Variants in R3HCC1L observed in about 807,000 individuals in gnomAD.
R3HCC1L encodes R3H domain and coiled-coil containing 1 like, also known as coiled-coil domain-containing protein R3HCC1L.
R3HCC1L carries 51 observed loss-of-function variants against 59.9 expected under a neutral mutation model. The ratio of observed to expected loss-of-function variants is 0.85; its 90% CI spans 0.68 to 1.07. The LOEUF (loss-of-function observed/expected upper bound fraction) is 1.07, where lower values mean the gene tolerates loss of function less well. Ranked by LOEUF, R3HCC1L falls within the 50% of genes least tolerant of loss-of-function variation. The pLI, the probability that R3HCC1L is intolerant of heterozygous loss-of-function variation, is 0.00. For missense variants in R3HCC1L, 965 were observed against 933.0 expected (o/e 1.03, Z -0.45); for synonymous variants, 322 against 315.2 (o/e 1.02, Z -0.23).
At chr10:98,160,816 A>G (rs937261966) in intron 2 of R3HCC1L, among the ~76,000 whole-genome samples, 9 of 152,078 alleles carry the variant, frequency 5.9e-5, no homozygotes, top group South Asian at 2.1e-4. Flanking sequence ...TAGGTTACCA[A>G]TCTCATGATT....
intron 5 of R3HCC1L, among the ~76,000 whole-genome samples, chr10:98,225,299 C>T (rs1212051218): frequency 6.6e-6 from 1 of 152,242 alleles, no homozygotes; most frequent in East Asian, 1.9e-4. Flanking sequence ...CCTCCCCATC[C>T]CTCTTCACAG....
rs372340950 is a variant in R3HCC1L at position 98,206,110 on chromosome 10, T to G, written c.-14-1991T>G. Among the ~76,000 whole-genome samples the G allele has an allele frequency of 2.9e-3, 441 of 152,286 alleles. 6 individuals are homozygous for G. The South Asian group carries it at 0.035, about 12-fold the overall frequency. ...TATAAAGTTAGCTGTGGTTTTTCATTGAGACCTCTTTGGGCAAGAATTATA... is the reference window on the plus strand; with the variant it reads ...TATAAAGTTAGCTGTGGTTTTTCATGGAGACCTCTTTGGGCAAGAATTATA... On this transcript the variant is annotated intron_variant, in intron 4 of 9. Coordinates refer to ENST00000298999, the MANE Select transcript of R3HCC1L (RefSeq NM_001351015.2).
At chr10:98,175,803 ATTATT>A (rs1344680714) in intron 4 of R3HCC1L, among the ~76,000 whole-genome samples, 1 of 152,170 alleles carries the variant, frequency 6.6e-6, no homozygotes, top group Non-Finnish European at 1.5e-5. Context: ...TGATTTAAAA[ATTATT>A]TTATTTTATG....
chr10:98,174,310 G>GC (rs1484355152), intron 4 of R3HCC1L: 1 of 202,830 alleles, frequency 4.9e-6, no homozygotes, highest in East Asian at 1.9e-4. Context: ...AAATTCTAGT[G>GC]CCCGTTGCCT....
intron 4 of R3HCC1L, among the ~76,000 whole-genome samples, chr10:98,191,488 T>C (rs1301237008): frequency 6.6e-6 from 1 of 152,210 alleles, no homozygotes; most frequent in Non-Finnish European, 1.5e-5. Context: ...TTTGCCCGCT[T>C]TTGATGGGGC....
intron 2 of R3HCC1L, among the ~76,000 whole-genome samples, chr10:98,161,369 C>T (rs1385447821): frequency 6.6e-6 from 1 of 151,792 alleles, no homozygotes; most frequent in Non-Finnish European, 1.5e-5. Flanking sequence ...TTTTTGGTCC[C>T]CTCCCCTTTC....
Position 98,209,447 on chromosome 10 carries a change from G to T in R3HCC1L, c.1333G>T (p.Asp445Tyr). 6.2e-7 allele frequency: 1 copy of T among 1,613,490 alleles called. No homozygotes were observed. The highest frequency in any genetic ancestry group is 1.3e-5 in the African/African-American group (1 of 75,014). Residue 445 changes from aspartate (D) to tyrosine (Y), a missense_variant, in exon 5 of 10, where the codon GAT becomes TAT. Asp to Tyr is a radical substitution (Grantham distance 160, BLOSUM62 -3). Coordinates refer to ENST00000298999, the MANE Select transcript of R3HCC1L (RefSeq NM_001351015.2). ...TTTCAGCAACCCTTCTGCTTGCTCA[G>T]ATATTTATGGTGAGAGTATTTCATC... ...EDFSNPSACSDIYGESISSHF... is the reference protein window; with the variant it reads ...EDFSNPSACSYIYGESISSHF...
chr10:98,153,906 A>G (rs1004377270), intron 1 of R3HCC1L, among the ~76,000 whole-genome samples: 2 of 152,120 alleles, frequency 1.3e-5, no homozygotes, highest in Admixed American at 6.5e-5. Flanking sequence ...ATTATTTTCC[A>G]AAGACACTTT....
rs1435266438 is a variant in R3HCC1L at position 98,236,115 on chromosome 10, G to A, written c.2220G>A (p.Gln740=). 1.2e-6 allele frequency: 2 copies of A among 1,613,846 alleles called. No individual in the cohort carries two copies. The highest frequency in any genetic ancestry group is 2.7e-5 in the African/African-American group (2 of 74,904). ...GTGCCCTTGGGGTTCGAAGTAAGCA[G>A]AGCAAAACCGAACGAGAAGCAGAGC... ...VISALGVRSK[Q]SKTEREAELK... The change falls in exon 9 of 10, where the codon CAG becomes CAA. Residue 740 remains glutamine (Q), a synonymous_variant. Coordinates refer to ENST00000298999, the MANE Select transcript of R3HCC1L (RefSeq NM_001351015.2).
intron 4 of R3HCC1L, among the ~76,000 whole-genome samples, chr10:98,170,672 G>A (rs188445881): frequency 2.0e-3 from 305 of 152,238 alleles, no homozygotes; most frequent in Non-Finnish European, 3.2e-3. Flanking sequence ...TTAGAAACTG[G>A]GAAATGTAGT....
chr10:98,170,660 G>A (rs531600675), intron 4 of R3HCC1L, among the ~76,000 whole-genome samples: 4 of 152,290 alleles, frequency 2.6e-5, no homozygotes. Context: ...TATGCAGGTG[G>A]CTTAGAAACT....
At chr10:98,233,739 C>T (rs559403733) in intron 6 of R3HCC1L, among the ~76,000 whole-genome samples, 8 of 152,296 alleles carry the variant, frequency 5.3e-5, no homozygotes, top group Admixed American at 2.0e-4. Flanking sequence ...TTTTCTAGTA[C>T]TTAAATGTTC....
chr10:98,147,275 TGTTGA>T lies in R3HCC1L; in HGVS notation c.-267-8813_-267-8809del, dbSNP rs1479672987. On this transcript the variant is annotated intron_variant, in intron 1 of 9. Coordinates refer to ENST00000298999, the MANE Select transcript of R3HCC1L (RefSeq NM_001351015.2). Reference sequence around the variant, plus strand: ...CAATCTGATTTGTTTGTTCTTTTGCTGTTGAGTTGTTTGAACTCCTTGTATATTCT... The same window carrying T: ...CAATCTGATTTGTTTGTTCTTTTGCTGTTGTTTGAACTCCTTGTATATTCT... Among the ~76,000 whole-genome samples, 7 of 152,318 alleles carry T rather than the reference TGTTGA, an allele frequency of 4.6e-5. No individual in the cohort carries two copies. In the East Asian group the frequency reaches 5.8e-4, roughly 13 times the overall value.
rs188936071 is a variant in R3HCC1L at position 98,148,615 on chromosome 10, G to C, written c.-267-7478G>C. Among the ~76,000 whole-genome samples the C allele has an allele frequency of 7.9e-5, 12 of 152,208 alleles. No homozygotes were observed. In the East Asian group the frequency reaches 2.3e-3, roughly 29 times the overall value. ...AAAGGGATATTAGATTTTATTGAATGCTTTTTCAGCATCTATAAAAGTGAT... is the reference window on the plus strand; with the variant it reads ...AAAGGGATATTAGATTTTATTGAATCCTTTTTCAGCATCTATAAAAGTGAT... On this transcript the variant is annotated intron_variant, in intron 1 of 9. Transcript: ENST00000298999.
At chr10:98,223,047 A>G (rs1206211104) in intron 5 of R3HCC1L, among the ~76,000 whole-genome samples, 1 of 151,738 alleles carries the variant, frequency 6.6e-6, no homozygotes, top group Non-Finnish European at 1.5e-5. Flanking sequence ...GCAATAATCA[A>G]TAGCTTACCA....
chr10:98,232,956 CAGAA>C (rs1856549948), intron 6 of R3HCC1L, among the ~76,000 whole-genome samples: 1 of 152,096 alleles, frequency 6.6e-6, no homozygotes. Flanking sequence ...CTATAACTAA[CAGAA>C]AGAAAGGGTG....
At position 98,221,447 on chromosome 10, in the gene R3HCC1L, C is replaced by T. The variant is rs149030655; in HGVS notation, c.1786-10065C>T. On this transcript the variant is annotated intron_variant, in intron 5 of 9. Coordinates refer to ENST00000298999, the MANE Select transcript of R3HCC1L (RefSeq NM_001351015.2). ...GCTTTTGGTGTTTTAGACATGAAGT[C>T]CTTGCCCATGCCTATGTCCTGAATG... Among the ~76,000 whole-genome samples the T allele has an allele frequency of 6.6e-5, 10 of 151,032 alleles. No individual in the cohort carries two copies. In the East Asian group the frequency reaches 1.9e-3, roughly 29 times the overall value.
At chr10:98,233,551 A>G (rs1448477225) in intron 6 of R3HCC1L, among the ~76,000 whole-genome samples, 1 of 152,012 alleles carries the variant, frequency 6.6e-6, no homozygotes, top group Non-Finnish European at 1.5e-5. Context: ...TACTTTCTTC[A>G]TTTTTACAGA....
chr10:98,211,318 G>T (rs1226461760), intron 5 of R3HCC1L: 7 of 1,524,886 alleles, frequency 4.6e-6, no homozygotes, highest in Middle Eastern at 1.7e-4. Context: ...GGATTCTGAT[G>T]CACATAAAGC....
Sources: allele counts gnomAD v4.1 joint callset (sites outside exome capture counted in the v4.1 genomes callset), GRCh38; gene constraint gnomAD v4.1.1; transcripts MANE v1.5; gene names NCBI Gene and HGNC (gene_info 2026-07-23, HGNC 2026-07-21).